Variants in PLEKHG4B observed in about 807,000 individuals in gnomAD.
PLEKHG4B encodes pleckstrin homology domain-containing family G member 4B.
In PLEKHG4B, 111 loss-of-function variants were observed where a neutral mutation model predicts 121.3. The ratio of observed to expected loss-of-function variants is 0.92; its 90% CI spans 0.78 to 1.07. PLEKHG4B has a LOEUF of 1.07. PLEKHG4B is among the 50% of genes least tolerant of loss of function. PLEKHG4B has a pLI of 0.00. For synonymous variants in PLEKHG4B, 738 were observed against 725.0 expected, an observed-to-expected ratio of 1.02 and a Z score of -0.29; for missense variants, 1,831 against 1,757.8, an observed-to-expected ratio of 1.04 and a Z score of -0.74.
chr5:133,703 C>A (rs962151345), intron 2 of PLEKHG4B, among the ~76,000 whole-genome samples: 1 of 151,940 alleles, frequency 6.6e-6, no homozygotes. Flanking sequence ...AATACAACCA[C>A]CATGGAAAAC....
intron 12 of PLEKHG4B, 129 bp downstream of exon 12, chr5:162,073 GC>G (rs955377903): frequency 1.5e-4 from 185 of 1,209,812 alleles, no homozygotes; most frequent in African/African-American, 9.6e-4. Context: ...CTGCGATGGA[GC>G]CCCCCTGGCC....
At chr5:111,617 T>C (rs1008275019) in intron 1 of PLEKHG4B, among the ~76,000 whole-genome samples, 6 of 152,278 alleles carry the variant, frequency 3.9e-5, no homozygotes, top group East Asian at 3.9e-4. Context: ...GATGGCCCAG[T>C]GTCGGCATTT....
At chr5:169,314 C>T (rs759422021) in intron 13 of PLEKHG4B, 26 bp from the exon 14 acceptor site, 2 of 1,610,820 alleles carry the variant, frequency 1.2e-6, no homozygotes, top group South Asian at 2.2e-5. Context: ...GGGCCGTGTG[C>T]CCCCCGGGAT....
At chr5:101,406 G>A (rs1157517883) in intron 1 of PLEKHG4B, among the ~76,000 whole-genome samples, 24 of 124,506 alleles carry the variant, frequency 1.9e-4, no homozygotes, top group Non-Finnish European at 1.6e-5. Context: ...GAAAAAGCCT[G>A]TAGGGGAGAG....
chr5:158,932 A>AT (rs1735896421), intron 11 of PLEKHG4B, among the ~76,000 whole-genome samples: 1 of 152,210 alleles, frequency 6.6e-6, no homozygotes, highest in Non-Finnish European at 1.5e-5. Flanking sequence ...TGGGGTGAGC[A>AT]TTTTTGAGGC....
rs1395417080 is a variant in PLEKHG4B, at chr5:167,627, T to C, written c.3477-1713T>C. On this transcript the variant is annotated intron_variant, in intron 13 of 19. Transcript: ENST00000637938. Reference sequence around the variant, plus strand: ...GTGCAGTGGATGGTGCTGTCTGAGGTGCAGAGCTGTGGGACACGCCCAGAT... The same window carrying C: ...GTGCAGTGGATGGTGCTGTCTGAGGCGCAGAGCTGTGGGACACGCCCAGAT... Among the ~76,000 whole-genome samples the C allele has an allele frequency of 7.9e-5, 12 of 152,124 alleles. No homozygotes were observed. In the East Asian group the frequency reaches 2.3e-3, roughly 29 times the overall value.
chr5:101,902 G>T (rs1275505271), intron 1 of PLEKHG4B, among the ~76,000 whole-genome samples: 1 of 78,284 alleles, frequency 1.3e-5, no homozygotes, highest in East Asian at 2.9e-4. Context: ...AGACTGTTGT[G>T]AGGTAAATCC....
intron 2 of PLEKHG4B, among the ~76,000 whole-genome samples, chr5:133,349 G>A (rs1046767327): frequency 4.6e-5 from 7 of 152,076 alleles, no homozygotes; most frequent in African/African-American, 1.4e-4. Context: ...ACGACAGTTC[G>A]ACTTCCTCTG....
intron 6 of PLEKHG4B, among the ~76,000 whole-genome samples, chr5:146,179 C>T (rs1311827058): frequency 7.1e-6 from 1 of 141,184 alleles, no homozygotes; most frequent in Non-Finnish European, 1.5e-5. Flanking sequence ...AGCCCTCCCT[C>T]CTCTTCCTTT....
rs544019449 is a variant in PLEKHG4B at position 162,633 on chromosome 5, T to C, written c.2650-89T>C. On this transcript the variant is annotated intron_variant, in intron 12 of 19. Transcript: ENST00000637938. ...GCTTTCTGGCCCCCTGGTCCCTGAA[T>C]AGGCTGACCTGGGGAACAGCAGGGC... 2.2e-5 allele frequency: 22 copies of C among 998,526 alleles called. No individual in the cohort carries two copies. In the South Asian group the frequency reaches 4.3e-4, roughly 20 times the overall value. The allele number at this position is 998,526 out of a possible 1,614,324, so 61.9% of individuals were successfully genotyped here.
At chr5:112,365 C>A (rs536313763) in intron 1 of PLEKHG4B, among the ~76,000 whole-genome samples, 2 of 152,218 alleles carry the variant, frequency 1.3e-5, no homozygotes, top group South Asian at 4.1e-4. Context: ...AGGAAATTAT[C>A]TGTGTGATTA....
At chr5:180,768 A>G (rs1279079982) in intron 18 of PLEKHG4B, among the ~76,000 whole-genome samples, 1 of 151,910 alleles carries the variant, frequency 6.6e-6, no homozygotes, top group African/African-American at 2.4e-5. Context: ...TCACTGCCCA[A>G]CTCCAAGCCC....
chr5:120,430 A>G (rs1279195670), intron 2 of PLEKHG4B, among the ~76,000 whole-genome samples: 1 of 152,192 alleles, frequency 6.6e-6, no homozygotes, highest in African/African-American at 2.4e-5. Flanking sequence ...CCATCAAAGG[A>G]TTTGAAACTA....
At chr5:150,259 CA>C (rs952707695) in intron 6 of PLEKHG4B, among the ~76,000 whole-genome samples, 1 of 152,184 alleles carries the variant, frequency 6.6e-6, no homozygotes, top group African/African-American at 2.4e-5. Context: ...AAGCCAATCA[CA>C]AAAAGACAAA....
At chr5:112,115 G>A (rs1377291401) in intron 1 of PLEKHG4B, among the ~76,000 whole-genome samples, 1 of 152,240 alleles carries the variant, frequency 6.6e-6, no homozygotes, top group African/African-American at 2.4e-5. Flanking sequence ...GCCCTGTCGG[G>A]TGAGTGAGAA....
chr5:121,310 T>C (rs1212204730), intron 2 of PLEKHG4B, among the ~76,000 whole-genome samples: 4 of 151,312 alleles, frequency 2.6e-5, no homozygotes, highest in Middle Eastern at 3.2e-3. Flanking sequence ...GTAATTAAAA[T>C]GCTTAGTGAA....
At position 157,565 on chromosome 5, in the gene PLEKHG4B, G is replaced by A. The variant is rs1735831309; in HGVS notation, c.2487+654G>A. On this transcript the variant is annotated intron_variant, in intron 11 of 19. Coordinates refer to ENST00000637938, the MANE Select transcript of PLEKHG4B (RefSeq NM_052909.5). The surrounding 1 kb of genome is among the most constrained non-coding windows in gnomAD (Gnocchi z 4.6). The stretch of plus-strand genomic sequence containing the variant: ...CTTGGTGGACACACTGCAGAATCTG[G>A]GGTCCATATAGCAGTGGCTCTGAAA... Among the ~76,000 whole-genome samples the A allele has an allele frequency of 6.6e-6, 1 of 152,068 alleles. No homozygotes were observed. The highest frequency in any genetic ancestry group is 6.6e-5 in the Admixed American group (1 of 15,262).
In PLEKHG4B at chr5:171,335, T is replaced by C; in HGVS notation, c.3941T>C (p.Leu1314Pro). Reference sequence around the variant, plus strand: ...CTGCTCAAGGAGGCCAGCTGTGGCCTGGCCCAGGGGCAGGAGCTGGGCGAG... The same window carrying C: ...CTGCTCAAGGAGGCCAGCTGTGGCCCGGCCCAGGGGCAGGAGCTGGGCGAG... Reference protein sequence around the residue: ...QDLLKEASCGLAQGQELGELR... With the variant: ...QDLLKEASCGPAQGQELGELR... The change falls in exon 16 of 20, where the codon CTG becomes CCG. Residue 1314 changes from leucine to proline, a missense_variant. Leu to Pro is a moderately conservative substitution (Grantham distance 98, BLOSUM62 -3). Coordinates refer to ENST00000637938, the MANE Select transcript of PLEKHG4B (RefSeq NM_052909.5). 1 of 1,612,522 alleles carries C rather than the reference T, an allele frequency of 6.2e-7. No homozygotes were observed. The highest frequency in any genetic ancestry group is 8.5e-7 in the Non-Finnish European group (1 of 1,179,788).
Position 144,809 on chromosome 5 carries a change from CTG to C in PLEKHG4B, c.1812-16_1812-15del. ...TTTAACCTTCAGTGGTTAAGATGGG[CTG>C]TCTTTCCCTCCCCAGGAAAGAGGTC... is the stretch of plus-strand genomic sequence containing the variant. On this transcript the variant is annotated splice_polypyrimidine_tract_variant and intron_variant, in intron 5 of 19. Transcript: ENST00000637938. 1 of 1,605,194 alleles carries C rather than the reference CTG, an allele frequency of 6.2e-7. No homozygotes were observed. Among genetic ancestry groups the C allele is most frequent in the Non-Finnish European group, 8.5e-7 (1 of 1,173,018 alleles).
Sources: gnomAD v4.1 joint callset for allele counts (sites outside exome capture counted in the v4.1 genomes callset) on GRCh38, gnomAD v4.1.1 for gene constraint, Gnocchi (gnomAD v3.1) non-coding constraint, MANE v1.5 for transcripts, NCBI Gene and HGNC (gene_info 2026-07-23, HGNC 2026-07-21) for gene names.